PRKG1: variants seen among roughly 807,000 people sequenced by gnomAD.
PRKG1 encodes protein kinase cGMP-dependent 1, also known as cGMP-dependent protein kinase 1.
PRKG1 carries 35 observed loss-of-function variants against 88.1 expected under a neutral mutation model. The observed-to-expected ratio is 0.40, with a 90% confidence interval of 0.30 to 0.53. PRKG1 has a LOEUF of 0.53. Ranked by LOEUF, PRKG1 falls within the 20% of genes least tolerant of loss-of-function variation. PRKG1 has a pLI of 0.59. For synonymous variants in PRKG1, 303 were observed against 292.5 expected (o/e 1.04, Z -0.37); for missense variants, 540 against 839.8 (o/e 0.64, Z 4.41).
intron 3 of PRKG1, among the ~76,000 whole-genome samples, chr10:51,513,213 A>C (rs1223850118): frequency 6.8e-6 from 1 of 147,748 alleles, no homozygotes; most frequent in Non-Finnish European, 1.5e-5. Context: ...CTGATAAAAC[A>C]GACTTTAAAC....
intron 3 of PRKG1, among the ~76,000 whole-genome samples, chr10:51,542,320 C>G (rs781005811): frequency 2.6e-5 from 4 of 152,100 alleles, no homozygotes; most frequent in Non-Finnish European, 4.4e-5. Flanking sequence ...TCTTGTAAGT[C>G]CTGCATTAAG....
At chr10:52,017,495 G>T (rs1006664117) in intron 5 of PRKG1, among the ~76,000 whole-genome samples, 8 of 152,142 alleles carry the variant, frequency 5.3e-5, no homozygotes, top group Non-Finnish European at 4.4e-5. Context: ...TAGATAGTAG[G>T]TACCACTGGT....
At chr10:52,198,665 A>G (rs1043876202) in intron 9 of PRKG1, among the ~76,000 whole-genome samples, 3 of 152,122 alleles carry the variant, frequency 2.0e-5, no homozygotes, top group African/African-American at 7.2e-5. Flanking sequence ...GGGCCCAATC[A>G]AGATATCAGA....
chr10:51,718,033 A>G (rs936548398), intron 3 of PRKG1, among the ~76,000 whole-genome samples: 4 of 152,036 alleles, frequency 2.6e-5, no homozygotes, highest in Non-Finnish European at 5.9e-5. Flanking sequence ...ACATTTAATT[A>G]TTTCTTGTGC....
intron 2 of PRKG1, among the ~76,000 whole-genome samples, chr10:51,313,001 G>A (rs1467723085): frequency 6.6e-6 from 1 of 151,452 alleles, no homozygotes; most frequent in Non-Finnish European, 1.5e-5. Flanking sequence ...TTGTGACATG[G>A]GCTGATATCA....
chr10:51,241,659 G>A (rs527426363), intron 2 of PRKG1, among the ~76,000 whole-genome samples: 1 of 152,254 alleles, frequency 6.6e-6, no homozygotes, highest in Admixed American at 6.5e-5. Context: ...CATAACAGAT[G>A]TTGTTTTAGG....
intron 3 of PRKG1, among the ~76,000 whole-genome samples, chr10:51,609,000 A>G (rs1416246324): frequency 6.6e-6 from 1 of 152,114 alleles, no homozygotes; most frequent in African/African-American, 2.4e-5. Context: ...TGTTATTACT[A>G]AACAGTCAGA....
At chr10:51,686,878 G>T (rs1242696091) in intron 3 of PRKG1, among the ~76,000 whole-genome samples, 2 of 152,170 alleles carry the variant, frequency 1.3e-5, no homozygotes, top group Non-Finnish European at 2.9e-5. Context: ...TGTGATTACA[G>T]GTGCCCGCCA....
rs57216926 is a variant in PRKG1, at chr10:51,813,890, A to G, written c.698+9200A>G. Among the ~76,000 whole-genome samples, 989 of 152,266 alleles carry G rather than the reference A, an allele frequency of 6.5e-3. 12 individuals are homozygous for G. The highest frequency in any genetic ancestry group is 0.02 in the African/African-American group (834 of 41,562). On this transcript the variant is annotated intron_variant, in intron 4 of 17. Transcript: ENST00000373980. ...CCCTCTAGAATATGTTCTCAAAAAA[A>G]TGCTCAGTAATAGCTTAAGAGCTAT...
At chr10:51,814,854 T>C (rs10999600) in intron 4 of PRKG1, among the ~76,000 whole-genome samples, 34,692 of 152,100 alleles carry the variant, frequency 0.23, 6,621 homozygotes, top group African/African-American at 0.52. Flanking sequence ...ATCTGCACAT[T>C]TCATATTGTT....
intron 3 of PRKG1, among the ~76,000 whole-genome samples, chr10:51,616,692 G>A (rs1032619482): frequency 6.6e-6 from 1 of 152,154 alleles, no homozygotes; most frequent in Non-Finnish European, 1.5e-5. Flanking sequence ...GCAGTTACCA[G>A]CTATGCTAGG....
At chr10:52,024,436 C>G (rs956891609) in intron 5 of PRKG1, among the ~76,000 whole-genome samples, 12 of 151,820 alleles carry the variant, frequency 7.9e-5, no homozygotes, top group Non-Finnish European at 1.3e-4. Flanking sequence ...TTCATTAACT[C>G]ATCATTTACA....
chr10:51,289,726 G>A (rs1200541192), intron 2 of PRKG1, among the ~76,000 whole-genome samples: 3 of 151,994 alleles, frequency 2.0e-5, no homozygotes, highest in Non-Finnish European at 4.4e-5. Flanking sequence ...GGATGGGTGG[G>A]TGTGGGTGGT....
chr10:52,044,439 A>T (rs957683484), intron 5 of PRKG1, among the ~76,000 whole-genome samples: 1 of 152,192 alleles, frequency 6.6e-6, no homozygotes, highest in Non-Finnish European at 1.5e-5. Flanking sequence ...AAATAATTTT[A>T]AAAACGACAG....
chr10:52,222,973 A>C (rs1840284401), intron 9 of PRKG1, among the ~76,000 whole-genome samples: 1 of 152,046 alleles, frequency 6.6e-6, no homozygotes, highest in Admixed American at 6.6e-5. Context: ...ATATTGGCTT[A>C]TCACTGGTTT....
chr10:51,443,329 C>T (rs572995581), intron 2 of PRKG1, among the ~76,000 whole-genome samples: 3 of 152,082 alleles, frequency 2.0e-5, no homozygotes, highest in Non-Finnish European at 4.4e-5. Flanking sequence ...GTAGCAGATA[C>T]CATATGGCCT....
At chr10:52,090,558 C>T (rs189482813) in intron 7 of PRKG1, among the ~76,000 whole-genome samples, 1 of 152,070 alleles carries the variant, frequency 6.6e-6, no homozygotes, top group Non-Finnish European at 1.5e-5. Context: ...TTGCTGCAGG[C>T]AAGATCCACT....
At chr10:51,507,605 A>C (rs773022802) in intron 3 of PRKG1, among the ~76,000 whole-genome samples, 3 of 152,124 alleles carry the variant, frequency 2.0e-5, no homozygotes, top group Non-Finnish European at 2.9e-5. Flanking sequence ...GACACTGATT[A>C]AACTTTTACA....
intron 3 of PRKG1, among the ~76,000 whole-genome samples, chr10:51,719,977 G>T (rs1262906676): frequency 6.6e-6 from 1 of 152,138 alleles, no homozygotes; most frequent in South Asian, 2.1e-4. Flanking sequence ...CTTAGATGAT[G>T]GGGGAGATGC....
Sources: gnomAD v4.1 joint callset for allele counts (sites outside exome capture counted in the v4.1 genomes callset) on GRCh38, gnomAD v4.1.1 for gene constraint, MANE v1.5 for transcripts, NCBI Gene and HGNC (gene_info 2026-07-23, HGNC 2026-07-21) for gene names.